CACNA2D3: variants seen among roughly 807,000 people sequenced by gnomAD.
CACNA2D3 encodes calcium voltage-gated channel auxiliary subunit alpha2delta 3, also known as voltage-dependent calcium channel subunit alpha-2/delta-3.
CACNA2D3 carries 60 observed loss-of-function variants against 160.6 expected under a neutral mutation model. The observed-to-expected ratio is 0.37, with a 90% CI of 0.30 to 0.46. The LOEUF (loss-of-function observed/expected upper bound fraction) is 0.46. CACNA2D3 is among the 20% of genes least tolerant of loss of function. The pLI is 1.00. For missense variants in CACNA2D3, 1,205 were observed against 1,365.0 expected, an observed-to-expected ratio of 0.88 and a Z score of 1.85; for synonymous variants, 558 against 492.9, an observed-to-expected ratio of 1.13 and a Z score of -1.75.
At chr3:54,696,532 G>A (rs1700669962) in intron 11 of CACNA2D3, among the ~76,000 whole-genome samples, 1 of 152,128 alleles carries the variant, frequency 6.6e-6, no homozygotes, top group Admixed American at 6.6e-5. Flanking sequence ...TCAGGATGTG[G>A]TTATCAGCAG....
At chr3:54,256,227 T>C (rs1419058205) in intron 2 of CACNA2D3, among the ~76,000 whole-genome samples, 2 of 152,172 alleles carry the variant, frequency 1.3e-5, no homozygotes, top group Non-Finnish European at 2.9e-5. Flanking sequence ...GAAGTCTTGT[T>C]GTACCTGGAA....
intron 27 of CACNA2D3, among the ~76,000 whole-genome samples, chr3:54,944,973 A>G (rs1701576357): frequency 1.3e-5 from 2 of 152,114 alleles, no homozygotes; most frequent in Non-Finnish European, 1.5e-5. Flanking sequence ...GCAGATTGAA[A>G]GTTTCTCCAC....
intron 5 of CACNA2D3, among the ~76,000 whole-genome samples, chr3:54,520,168 T>A (rs547282949): frequency 6.6e-6 from 1 of 152,332 alleles, no homozygotes; most frequent in South Asian, 2.1e-4. Flanking sequence ...GTGCAAAGGC[T>A]GATATTTAGT....
At chr3:54,981,843 C>G (rs1702515695) in intron 29 of CACNA2D3, among the ~76,000 whole-genome samples, 1 of 152,234 alleles carries the variant, frequency 6.6e-6, no homozygotes, top group African/African-American at 2.4e-5. Flanking sequence ...AATCCAACCT[C>G]TGACCAGGAG....
At chr3:54,283,084 T>A (rs897686931) in intron 2 of CACNA2D3, among the ~76,000 whole-genome samples, 2 of 152,166 alleles carry the variant, frequency 1.3e-5, no homozygotes, top group African/African-American at 4.8e-5. Flanking sequence ...AGAGATTGAT[T>A]TGAGTTTTGA....
At chr3:54,999,970 T>G (rs921434461) in intron 31 of CACNA2D3, among the ~76,000 whole-genome samples, 2 of 152,180 alleles carry the variant, frequency 1.3e-5, no homozygotes, top group African/African-American at 4.8e-5. Context: ...CTGTCAAAGT[T>G]TAAAGTTTCA....
chr3:54,424,992 C>G (rs1193601937), intron 4 of CACNA2D3, among the ~76,000 whole-genome samples: 4 of 152,192 alleles, frequency 2.6e-5, no homozygotes, highest in Admixed American at 2.6e-4. Flanking sequence ...CCTGTTCTGT[C>G]TCCTCCTTGA....
At chr3:54,544,567 T>A (rs1575514065) in intron 5 of CACNA2D3, among the ~76,000 whole-genome samples, 1 of 152,228 alleles carries the variant, frequency 6.6e-6, no homozygotes, top group South Asian at 2.1e-4. Context: ...CTGTGCCTAG[T>A]CTAGATTTTT....
intron 2 of CACNA2D3, among the ~76,000 whole-genome samples, chr3:54,205,927 T>C (rs1701268407): frequency 6.6e-6 from 1 of 152,198 alleles, no homozygotes; most frequent in Non-Finnish European, 1.5e-5. Flanking sequence ...GTAAGTACGC[T>C]CATGTGATAT....
At chr3:54,161,872 T>C (rs1238258337) in intron 2 of CACNA2D3, among the ~76,000 whole-genome samples, 1 of 152,158 alleles carries the variant, frequency 6.6e-6, no homozygotes, top group African/African-American at 2.4e-5. Context: ...GATTGCTCCT[T>C]GGGGAGTCAC....
At chr3:54,178,038 T>A (rs1193647906) in intron 2 of CACNA2D3, 2 of 152,256 alleles carry the variant, frequency 1.3e-5, no homozygotes. Context: ...TGATCCTCAC[T>A]CCAGTTTCCA....
At position 55,035,777 on chromosome 3, in the gene CACNA2D3, A is replaced by C. The variant is rs1703803464; in HGVS notation, c.2987+17460A>C. Among the ~76,000 whole-genome samples, 3 of 152,224 alleles carry C rather than the reference A, an allele frequency of 2.0e-5. 1 individual carries two copies. Among genetic ancestry groups the C allele is most frequent in the Admixed American group, 2.0e-4 (3 of 15,282 alleles). ...CGTGTTTGGAAACTGAGCAGGGTAG[A>C]AAATATATACCCTTGAATGGTCAGG... On this transcript the variant is annotated intron_variant, in intron 35 of 37. Transcript: ENST00000474759.
At chr3:54,666,585 A>G (rs893844986) in intron 11 of CACNA2D3, among the ~76,000 whole-genome samples, 12 of 152,224 alleles carry the variant, frequency 7.9e-5, no homozygotes, top group East Asian at 5.8e-4. Flanking sequence ...AGGGATGCCT[A>G]TTAGTTTTCT....
intron 3 of CACNA2D3, among the ~76,000 whole-genome samples, chr3:54,374,042 C>G (rs1232272472): frequency 6.6e-6 from 1 of 152,088 alleles, no homozygotes; most frequent in East Asian, 1.9e-4. Context: ...GAACAAAAAC[C>G]CTTTAGGTTT....
intron 2 of CACNA2D3, among the ~76,000 whole-genome samples, chr3:54,294,599 A>G (rs918185542): frequency 1.3e-5 from 2 of 152,168 alleles, no homozygotes; most frequent in African/African-American, 2.4e-5. Context: ...CACGCTTTGC[A>G]TGAAGTCTGT....
At chr3:54,846,581 T>G in intron 17 of CACNA2D3, 114 bp downstream of exon 17, 1 of 656,586 alleles carries the variant, frequency 1.5e-6, no homozygotes, top group East Asian at 2.8e-5. Flanking sequence ...ACTATTGAAT[T>G]CATAGCATTG....
chr3:54,517,807 C>G (rs1701578213), intron 5 of CACNA2D3, among the ~76,000 whole-genome samples: 1 of 152,144 alleles, frequency 6.6e-6, no homozygotes, highest in African/African-American at 2.4e-5. Context: ...AACCCTGCCT[C>G]CCTCCTTGCT....
chr3:54,159,478 A>T (rs1700303623), intron 2 of CACNA2D3, among the ~76,000 whole-genome samples: 1 of 152,234 alleles, frequency 6.6e-6, no homozygotes, highest in South Asian at 2.1e-4. Context: ...ATATCATAAG[A>T]AATTATATTC....
chr3:54,149,033 G>A lies in CACNA2D3; in HGVS notation c.204+25439G>A, dbSNP rs73083974. Reference sequence around the variant, plus strand: ...AGCACCAACCAATACAGATCACAGGGAGAAGTGAGGGATCCTGAGGGGAGC... The same window carrying A: ...AGCACCAACCAATACAGATCACAGGAAGAAGTGAGGGATCCTGAGGGGAGC... On this transcript the variant is annotated intron_variant, in intron 2 of 37. Coordinates refer to ENST00000474759, the MANE Select transcript of CACNA2D3 (RefSeq NM_018398.3). Among the ~76,000 whole-genome samples, 474 of 151,622 alleles carry A rather than the reference G, an allele frequency of 3.1e-3. 1 individual carries two copies. Among genetic ancestry groups the A allele is most frequent in the Non-Finnish European group, 6.2e-3 (419 of 67,928 alleles).
Sources: gnomAD v4.1 joint callset for allele counts (sites outside exome capture counted in the v4.1 genomes callset) on GRCh38, gnomAD v4.1.1 for gene constraint, MANE v1.5 for transcripts, NCBI Gene and HGNC (gene_info 2026-07-23, HGNC 2026-07-21) for gene names.